MS4A4E: variants seen among roughly 807,000 people sequenced by gnomAD.
MS4A4E encodes the protein putative membrane-spanning 4-domains subfamily A member 4E.
Under a neutral mutation model 13.3 loss-of-function variants are expected in MS4A4E, and 23 were observed. That is an observed-to-expected ratio of 1.73 (90% CI 1.25 to 2.45). The LOEUF (loss-of-function observed/expected upper bound fraction) is 2.45. Ranked by LOEUF, MS4A4E falls within the 30% of genes most tolerant of loss-of-function variation. MS4A4E has a pLI of 0.00. For synonymous variants in MS4A4E, 36 were observed against 45.6 expected (o/e 0.79, Z 0.85); for missense variants, 144 against 131.2 (o/e 1.10, Z -0.48).
chr11:60,229,367 T>C (rs1353112659), intron 2 of MS4A4E, among the ~76,000 whole-genome samples: 1 of 152,240 alleles, frequency 6.6e-6, no homozygotes, highest in Non-Finnish European at 1.5e-5. Flanking sequence ...ATTTTCTCAG[T>C]GGTTTGAAGC....
intron 8 of MS4A4E, among the ~76,000 whole-genome samples, chr11:60,203,511 G>A (rs666555): frequency 0.39 from 58,664 of 152,022 alleles, 11,732 homozygotes; most frequent in East Asian, 0.41. Flanking sequence ...CACTTTGGGA[G>A]GCCAAAGTGG....
intron 5 of MS4A4E, among the ~76,000 whole-genome samples, chr11:60,210,623 A>G (rs1807715006): frequency 1.3e-5 from 2 of 152,206 alleles, no homozygotes; most frequent in African/African-American, 4.8e-5. Flanking sequence ...TATGCTTTCC[A>G]GCATTTCTAT....
chr11:60,227,557 T>A (rs940778994), intron 3 of MS4A4E, among the ~76,000 whole-genome samples: 2 of 151,858 alleles, frequency 1.3e-5, no homozygotes, highest in Non-Finnish European at 2.9e-5. Flanking sequence ...TCTCAAAATA[T>A]ATATATATAT....
At chr11:60,232,095 T>C (rs998784290) in intron 1 of MS4A4E, among the ~76,000 whole-genome samples, 3 of 151,824 alleles carry the variant, frequency 2.0e-5, no homozygotes, top group African/African-American at 7.3e-5. Context: ...TAGCTGAAAA[T>C]AGAATTAGTC....
At chr11:60,225,145 T>C (rs200831078) in intron 3 of MS4A4E, 13 of 1,420,100 alleles carry the variant, frequency 9.2e-6, no homozygotes, top group Non-Finnish European at 1.2e-5. Context: ...ATGGTGCTTA[T>C]GCCACTCCCT....
chr11:60,228,002 T>C (rs2084364901), intron 3 of MS4A4E, among the ~76,000 whole-genome samples: 1 of 152,112 alleles, frequency 6.6e-6, no homozygotes, highest in East Asian at 1.9e-4. Context: ...TCTTAACAGA[T>C]GACATAGGCC....
chr11:60,221,789 G>A (rs958937754), intron 3 of MS4A4E, among the ~76,000 whole-genome samples: 3 of 152,216 alleles, frequency 2.0e-5, no homozygotes, highest in Non-Finnish European at 2.9e-5. Context: ...GGACCTCTCC[G>A]AGTGGTCAAA....
At chr11:60,220,860 A>C (rs1483093238) in intron 3 of MS4A4E, among the ~76,000 whole-genome samples, 1 of 152,100 alleles carries the variant, frequency 6.6e-6, no homozygotes, top group Non-Finnish European at 1.5e-5. Flanking sequence ...TGGGGGTGTT[A>C]CTTGGCCCAT....
chr11:60,236,402 CT>C (rs1387328255), intron 1 of MS4A4E, among the ~76,000 whole-genome samples: 1 of 152,084 alleles, frequency 6.6e-6, no homozygotes, highest in African/African-American at 2.4e-5. Flanking sequence ...ATATTACCAT[CT>C]TACCAATATT....
Position 60,208,585 on chromosome 11 carries a change from A to G in MS4A4E, c.483+8T>C, listed in dbSNP as rs572127780. 9.3e-6 allele frequency: 10 copies of G among 1,079,092 alleles called. No homozygotes were observed. Among genetic ancestry groups the G allele is most frequent in the Middle Eastern group, 4.2e-4 (2 of 4,772 alleles). The allele number at this position is 1,079,092 out of a possible 1,614,324, so 66.8% of individuals were successfully genotyped here. ...TACAGATACCTTCAAATGAAGGCCA[A>G]TACTGACCTCACTGGGGCTACAACA... On this transcript the variant is annotated splice_region_variant and intron_variant, in intron 6 of 8. Coordinates refer to ENST00000651255, the MANE Select transcript of MS4A4E (RefSeq NM_001393391.1).
chr11:60,241,313 C>T (rs988672899), intron 1 of MS4A4E, among the ~76,000 whole-genome samples: 4 of 152,168 alleles, frequency 2.6e-5, no homozygotes, highest in Non-Finnish European at 5.9e-5. Flanking sequence ...CGTGAGCCAC[C>T]GCACCCGGCC....
At position 60,226,660 on chromosome 11, in the gene MS4A4E, T is replaced by C. The variant is rs566104496; in HGVS notation, c.178+1934A>G. Among the ~76,000 whole-genome samples the C allele has an allele frequency of 8.5e-5, 13 of 152,170 alleles. No individual in the cohort carries two copies. The South Asian group carries it at 2.7e-3, about 32-fold the overall frequency. ...TGTTTAGGTTGATAAAGAATATTTATTAATAAAACTACAGCTAACTTCATA... is the reference window on the plus strand; with the variant it reads ...TGTTTAGGTTGATAAAGAATATTTACTAATAAAACTACAGCTAACTTCATA... On this transcript the variant is annotated intron_variant, in intron 3 of 8. Transcript: ENST00000651255.
At chr11:60,228,955 G>C (rs1369363489) in intron 2 of MS4A4E, among the ~76,000 whole-genome samples, 3 of 152,200 alleles carry the variant, frequency 2.0e-5, no homozygotes, top group Non-Finnish European at 4.4e-5. Context: ...TACTATAAAG[G>C]TAGATTCATA....
intron 1 of MS4A4E, among the ~76,000 whole-genome samples, chr11:60,239,636 A>T (rs1268829561): frequency 6.6e-6 from 1 of 152,168 alleles, no homozygotes; most frequent in Non-Finnish European, 1.5e-5. Context: ...TTTTGCTCTC[A>T]TGGACTAGGT....
At chr11:60,211,681 G>T (rs1030892873) in intron 5 of MS4A4E, among the ~76,000 whole-genome samples, 2 of 152,194 alleles carry the variant, frequency 1.3e-5, no homozygotes, top group Non-Finnish European at 2.9e-5. Flanking sequence ...AGGAGGCCGA[G>T]GTGGGTGGAT....
At chr11:60,228,707 T>G (rs991586207) in intron 2 of MS4A4E, 80 bp from the exon 3 acceptor site, 13 of 671,702 alleles carry the variant, frequency 1.9e-5, no homozygotes, top group Non-Finnish European at 2.7e-5. Flanking sequence ...TGTAGGTGAA[T>G]GCATAAATAA....
intron 1 of MS4A4E, among the ~76,000 whole-genome samples, chr11:60,235,090 C>T (rs537006973): frequency 6.6e-6 from 1 of 152,274 alleles, no homozygotes; most frequent in East Asian, 1.9e-4. Context: ...ATTGAGCATA[C>T]AGTGTAGGTA....
At chr11:60,203,361 T>A (rs980187385) in intron 8 of MS4A4E, among the ~76,000 whole-genome samples, 2 of 152,190 alleles carry the variant, frequency 1.3e-5, no homozygotes, top group African/African-American at 2.4e-5. Flanking sequence ...AGGTAGGTAC[T>A]ATTGTAATTT....
chr11:60,223,902 A>C (rs947712113), intron 3 of MS4A4E, among the ~76,000 whole-genome samples: 2 of 152,102 alleles, frequency 1.3e-5, no homozygotes, highest in Non-Finnish European at 2.9e-5. Flanking sequence ...TTTTATATAT[A>C]TACACATCTA....
Sources: allele counts gnomAD v4.1 joint callset (sites outside exome capture counted in the v4.1 genomes callset), GRCh38; gene constraint gnomAD v4.1.1; transcripts MANE v1.5; gene names NCBI Gene and HGNC (gene_info 2026-07-23, HGNC 2026-07-21).